The following VPS13D variants were observed in gnomAD, a reference collection of about 807,000 sequenced individuals.
The protein encoded by VPS13D is vacuolar protein sorting 13 homolog D.
VPS13D carries 187 observed loss-of-function variants against 461.9 expected under a neutral mutation model. The observed-to-expected ratio is 0.40, with a 90% CI of 0.36 to 0.46. The LOEUF is 0.46. Ranked by LOEUF, VPS13D falls within the 20% of genes least tolerant of loss-of-function variation. VPS13D has a pLI of 0.60. For synonymous variants in VPS13D, 1,951 were observed against 1,986.3 expected (o/e 0.98, Z 0.47); for missense variants, 4,711 against 5,364.9 (o/e 0.88, Z 3.81).
chr1:12,380,101 C>A (rs1472610484), intron 57 of VPS13D, among the ~76,000 whole-genome samples: 2 of 152,142 alleles, frequency 1.3e-5, no homozygotes, highest in Non-Finnish European at 2.9e-5. Flanking sequence ...GGGAAAAGTT[C>A]TTGGAGATGG....
At chr1:12,290,314 T>C (rs1185433882) in intron 22 of VPS13D, among the ~76,000 whole-genome samples, 1 of 152,218 alleles carries the variant, frequency 6.6e-6, no homozygotes, top group Non-Finnish European at 1.5e-5. Flanking sequence ...ACGTCCTCCT[T>C]TATTCTTTTA....
At chr1:12,401,830 T>C in intron 62 of VPS13D, 126 bp downstream of exon 62, 2 of 692,294 alleles carry the variant, frequency 2.9e-6, no homozygotes, top group Non-Finnish European at 5.0e-6. Flanking sequence ...CAGCCTGAGC[T>C]AGGAAGCTAA....
Position 12,283,183 on chromosome 1 carries a change from C to T in VPS13D, c.5081C>T (p.Ala1694Val). 2 of 1,614,122 alleles carry T rather than the reference C, an allele frequency of 1.2e-6. No individual in the cohort carries two copies. Among genetic ancestry groups the T allele is most frequent in the South Asian group, 1.1e-5 (1 of 91,078 alleles). ...KYKNLMVSRG[A>V]PKPSSLAQKE... is the part of the protein sequence containing the mutation. The stretch of plus-strand genomic sequence containing the variant: ...AAGAACCTGATGGTGTCTCGAGGAG[C>T]CCCTAAGCCATCTAGTTTAGCACAA... The change falls in exon 21 of 70, where the codon GCC (alanine) becomes GTC (valine). Residue 1694 changes from alanine (A) to valine (V), a missense_variant. Around this residue, in one of 3 missense-constraint regions of VPS13D, gnomAD observed 4,411 missense variants for 4,937.8 expected, o/e 0.89. Transcript: ENST00000620676.
intron 60 of VPS13D, among the ~76,000 whole-genome samples, chr1:12,391,494 T>C (rs1252485693): frequency 1.5e-5 from 2 of 136,784 alleles, no homozygotes; most frequent in Non-Finnish European, 3.0e-5. Flanking sequence ...CAATCACATA[T>C]ATACCACTTC....
At chr1:12,323,469 C>A (rs908657852) in intron 34 of VPS13D, among the ~76,000 whole-genome samples, 3 of 151,948 alleles carry the variant, frequency 2.0e-5, no homozygotes, top group African/African-American at 4.8e-5. Flanking sequence ...GACCTTCCCC[C>A]CCCACCCCAA....
intron 2 of VPS13D, among the ~76,000 whole-genome samples, chr1:12,239,130 G>A (rs1433007408): frequency 6.6e-6 from 1 of 151,906 alleles, no homozygotes; most frequent in African/African-American, 2.4e-5. Context: ...CTTTTGAGTG[G>A]ATCTTTTTTT....
chr1:12,329,375 A>G (rs59768025), intron 36 of VPS13D, among the ~76,000 whole-genome samples: 32,504 of 151,968 alleles, frequency 0.21, 6,355 homozygotes, highest in African/African-American at 0.52. Flanking sequence ...TACCACGCCC[A>G]GCCAGTTTTT....
chr1:12,305,583 C>A (rs560349566), intron 26 of VPS13D, among the ~76,000 whole-genome samples: 2 of 152,204 alleles, frequency 1.3e-5, no homozygotes, highest in African/African-American at 4.8e-5. Flanking sequence ...AGCCCCCGGG[C>A]CTGGCCTCTT....
intron 65 of VPS13D, among the ~76,000 whole-genome samples, chr1:12,418,515 T>C (rs1644823643): frequency 6.6e-6 from 1 of 152,230 alleles, no homozygotes; most frequent in Non-Finnish European, 1.5e-5. Context: ...CTTCTTGGTT[T>C]TATAATTTCT....
At chr1:12,253,896 G>A (rs1640823613) in intron 7 of VPS13D, 70 bp downstream of exon 7, 1 of 1,249,788 alleles carries the variant, frequency 8.0e-7, no homozygotes, top group Admixed American at 1.8e-5. Flanking sequence ...CACTGCCACG[G>A]GGGCTTTTGT....
intron 2 of VPS13D, among the ~76,000 whole-genome samples, chr1:12,236,201 T>C (rs1640142479): frequency 6.6e-6 from 1 of 152,114 alleles, no homozygotes; most frequent in Non-Finnish European, 1.5e-5. Context: ...GTAACTGGTG[T>C]TAGTATGGTA....
At chr1:12,342,450 G>A (rs959392296) in intron 41 of VPS13D, among the ~76,000 whole-genome samples, 14 of 152,208 alleles carry the variant, frequency 9.2e-5, no homozygotes, top group African/African-American at 1.4e-4. Context: ...CATGGTGGTC[G>A]TTCCAGCTGA....
chr1:12,355,567 C>G lies in VPS13D; in HGVS notation c.9680-332C>G, dbSNP rs59952223. 1.8e-3 allele frequency among the ~76,000 whole-genome samples: 276 copies of G among 152,052 alleles called. 1 individual carries two copies. The highest frequency in any genetic ancestry group is 6.1e-3 in the African/African-American group (254 of 41,480). On this transcript the variant is annotated intron_variant, in intron 47 of 69. Transcript: ENST00000620676. Reference sequence around the variant, plus strand: ...AATATGTACAGTTATTATTATGTGTCGATTAAAAATTTAATTTTTTTTTGA... The same window carrying G: ...AATATGTACAGTTATTATTATGTGTGGATTAAAAATTTAATTTTTTTTTGA...
chr1:12,318,356 G>A lies in VPS13D; in HGVS notation c.7414+19G>A. The A allele has an allele frequency of 6.3e-7, 1 of 1,593,768 alleles. No individual in the cohort carries two copies. ...GTAACAGGTGATTATATGTGGGTGT[G>A]ATTCATTGGTGCTTAGTTTGGATGT... is the stretch of plus-strand genomic sequence containing the variant. On this transcript the variant is annotated intron_variant, in intron 31 of 69. Coordinates refer to ENST00000620676, the MANE Select transcript of VPS13D (RefSeq NM_015378.4).
At chr1:12,263,729 C>T (rs1641185524) in intron 13 of VPS13D, among the ~76,000 whole-genome samples, 1 of 152,150 alleles carries the variant, frequency 6.6e-6, no homozygotes, top group Non-Finnish European at 1.5e-5. Flanking sequence ...TGTTTGACTT[C>T]ATAATGTAGA....
intron 7 of VPS13D, among the ~76,000 whole-genome samples, chr1:12,255,102 C>A (rs235228): frequency 6.6e-6 from 1 of 151,868 alleles, no homozygotes; most frequent in Admixed American, 6.6e-5. Flanking sequence ...CATGCCACCA[C>A]GCCCAGCTAA....
chr1:12,442,948 A>G (rs1044060404), intron 65 of VPS13D, among the ~76,000 whole-genome samples: 7 of 152,216 alleles, frequency 4.6e-5, no homozygotes, highest in Non-Finnish European at 8.8e-5. Flanking sequence ...AACAAGTTCC[A>G]TTACATTTTT....
intron 67 of VPS13D, among the ~76,000 whole-genome samples, chr1:12,479,882 C>T (rs867656731): frequency 2.6e-5 from 4 of 152,248 alleles, no homozygotes; most frequent in South Asian, 4.1e-4. Flanking sequence ...CCCCACAATG[C>T]GAATGAAGGG....
chr1:12,337,260 T>C (rs906900126), intron 39 of VPS13D: 2 of 152,216 alleles, frequency 1.3e-5, no homozygotes, highest in African/African-American at 4.8e-5. Flanking sequence ...TCTTTTCTTA[T>C]TGGAAATTCC....
Sources: gnomAD v4.1 joint callset for allele counts (sites outside exome capture counted in the v4.1 genomes callset) on GRCh38, gnomAD v4.1.1 for gene constraint, gnomAD v4.1.1 regional missense constraint, MANE v1.5 for transcripts, NCBI Gene and HGNC (gene_info 2026-07-23, HGNC 2026-07-21) for gene names.